GLI3: variants seen among roughly 807,000 people sequenced by gnomAD.
The protein encoded by GLI3 is transcription activator GLI3.
In GLI3, 20 loss-of-function variants were observed where a neutral mutation model predicts 100.8. The observed-to-expected ratio is 0.20, with a 90% CI of 0.14 to 0.29. GLI3 has a LOEUF of 0.29. Ranked by LOEUF, GLI3 falls within the 10% of genes least tolerant of loss-of-function variation. The pLI is 1.00. For missense variants in GLI3, 2,040 were observed against 2,128.5 expected (o/e 0.96, Z 0.82); for synonymous variants, 938 against 860.5 (o/e 1.09, Z -1.58).
intron 3 of GLI3, among the ~76,000 whole-genome samples, chr7:42,133,279 C>T (rs1471432125): frequency 6.6e-6 from 1 of 152,184 alleles, no homozygotes; most frequent in Non-Finnish European, 1.5e-5. Context: ...ACAAGGAACT[C>T]TGAAATAAAT....
At chr7:42,234,284 A>G (rs879830468) in intron 1 of GLI3, among the ~76,000 whole-genome samples, 20 of 152,150 alleles carry the variant, frequency 1.3e-4, no homozygotes, top group Admixed American at 4.6e-4. Context: ...TCCTCAAAAA[A>G]TGGAGGGGGA....
At chr7:42,151,775 A>G (rs1786870149) in intron 2 of GLI3, 1 of 152,242 alleles carries the variant, frequency 6.6e-6, no homozygotes. Flanking sequence ...CTCAAGTGGA[A>G]GTTAACAAAT....
At chr7:42,246,903 A>G (rs1788982564) in intron 1 of GLI3, among the ~76,000 whole-genome samples, 1 of 144,006 alleles carries the variant, frequency 6.9e-6, no homozygotes, top group Non-Finnish European at 1.5e-5. Flanking sequence ...CCTTCTGAGA[A>G]TGGGTTTATA....
Position 41,967,938 on chromosome 7 carries a change from T to C in GLI3, c.2104-15A>G, listed in dbSNP as rs188533140. ...GGCTGAGATGTCTGTTGGGGTCAAG[T>C]GGAAAGGAAAGAAATGTCACCAGGG... On this transcript the variant is annotated splice_polypyrimidine_tract_variant and intron_variant, in intron 13 of 14. Coordinates refer to ENST00000395925, the MANE Select transcript of GLI3 (RefSeq NM_000168.6). The C allele has an allele frequency of 6.2e-7, 1 of 1,609,264 alleles. No homozygotes were observed. The highest frequency in any genetic ancestry group is 1.7e-5 in the Admixed American group (1 of 59,986).
At chr7:42,154,251 G>A (rs988799745) in intron 2 of GLI3, among the ~76,000 whole-genome samples, 4 of 152,120 alleles carry the variant, frequency 2.6e-5, no homozygotes, top group African/African-American at 9.7e-5. Context: ...CCCACGTGGA[G>A]GACCCGCACA....
rs1562661919 is a variant in GLI3, at chr7:41,968,739, AGAAAGAAAGAAAGAAAGAAAGAAG to A, written c.2104-840_2104-817del. 8.0e-4 allele frequency among the ~76,000 whole-genome samples: 107 copies of A among 133,154 alleles called. 1 individual carries two copies. Among genetic ancestry groups the A allele is most frequent in the Middle Eastern group, 3.6e-3 (1 of 278 alleles). The allele number at this position is 133,154 out of a possible 152,430, so 87.4% of individuals were successfully genotyped here. A position where few individuals can be genotyped will look rare whatever the true frequency, so the allele number is the denominator to read the frequency against. The stretch of plus-strand genomic sequence containing the variant: ...AAGAAAGAAAGAAAGAAAGAAAGAA[AGAAAGAAAGAAAGAAAGAAAGAAG>A]GAAAGAAAGAAAGAAAGAAAGAAAG... On this transcript the variant is annotated intron_variant, in intron 13 of 14. Coordinates refer to ENST00000395925, the MANE Select transcript of GLI3 (RefSeq NM_000168.6).
At chr7:42,121,421 G>A (rs1203408618) in intron 3 of GLI3, among the ~76,000 whole-genome samples, 1 of 152,250 alleles carries the variant, frequency 6.6e-6, no homozygotes, top group African/African-American at 2.4e-5. Context: ...AAAGTTTGGT[G>A]CAGTGAAGGT....
chr7:42,013,924 C>T (rs1788688238), intron 10 of GLI3, among the ~76,000 whole-genome samples: 1 of 152,188 alleles, frequency 6.6e-6, no homozygotes, highest in African/African-American at 2.4e-5. Context: ...CGTCTCCTCC[C>T]AGCACTCAGC....
At chr7:42,043,420 T>C (rs1354219988) in intron 6 of GLI3, among the ~76,000 whole-genome samples, 1 of 152,174 alleles carries the variant, frequency 6.6e-6, no homozygotes, top group Non-Finnish European at 1.5e-5. Context: ...GCTGCTAAAA[T>C]ACAAGGTAAG....
At chr7:42,010,897 C>T (rs1025618801) in intron 10 of GLI3, among the ~76,000 whole-genome samples, 6 of 152,246 alleles carry the variant, frequency 3.9e-5, no homozygotes, top group African/African-American at 7.2e-5. Context: ...GATTCCACAA[C>T]TAGGAGGGAC....
chr7:42,167,610 G>C (rs989690180), intron 2 of GLI3, among the ~76,000 whole-genome samples: 1 of 152,186 alleles, frequency 6.6e-6, no homozygotes, highest in Admixed American at 6.5e-5. Context: ...TACAGAGAAA[G>C]AGAGAGAGAA....
At chr7:42,130,965 G>A (rs1433389694) in intron 3 of GLI3, among the ~76,000 whole-genome samples, 1 of 152,170 alleles carries the variant, frequency 6.6e-6, no homozygotes, top group African/African-American at 2.4e-5. Flanking sequence ...AATAGAAAAT[G>A]TAGTGATGCC....
Position 42,040,150 on chromosome 7 carries a change from G to T in GLI3, c.916C>A (p.Leu306Ile). The T allele has an allele frequency of 1.9e-6, 3 of 1,613,698 alleles. No homozygotes were observed. The highest frequency in any genetic ancestry group is 2.5e-6 in the Non-Finnish European group (3 of 1,179,576). Residue 306 changes from leucine (L) to isoleucine (I), a missense_variant, in exon 7 of 15, where the codon CTT (leucine) becomes ATT (isoleucine). By Grantham distance (5) the Leu-to-Ile change is conservative. Transcript: ENST00000395925. ...GGAGACGTCCTTATCATGGTCTGAA[G>T]GTCAAAGCTATGATCGGAGAGTGGT... ...ISPLSDHSFD[L>I]QTMIRTSPNS...
intron 10 of GLI3, among the ~76,000 whole-genome samples, chr7:42,003,417 T>G (rs1470315901): frequency 6.6e-6 from 1 of 151,940 alleles, no homozygotes; most frequent in Admixed American, 6.6e-5. Flanking sequence ...ATAACTAATT[T>G]CAGAAACTCA....
At chr7:41,975,948 A>G (rs1310056471) in intron 12 of GLI3, among the ~76,000 whole-genome samples, 4 of 152,188 alleles carry the variant, frequency 2.6e-5, no homozygotes, top group Non-Finnish European at 5.9e-5. Context: ...TTGAAATATA[A>G]TTCACATGCC....
intron 5 of GLI3, among the ~76,000 whole-genome samples, chr7:42,047,802 G>A (rs1784274195): frequency 6.6e-6 from 1 of 152,136 alleles, no homozygotes; most frequent in African/African-American, 2.4e-5. Flanking sequence ...GGATTTTCAT[G>A]TGGCATGGTC....
At chr7:42,207,635 A>G (rs1402993793) in intron 2 of GLI3, among the ~76,000 whole-genome samples, 2 of 152,196 alleles carry the variant, frequency 1.3e-5, no homozygotes, top group African/African-American at 2.4e-5. Context: ...TGCATGTCCA[A>G]TGATAGGGGA....
intron 4 of GLI3, among the ~76,000 whole-genome samples, chr7:42,057,054 T>C (rs1784478025): frequency 6.6e-6 from 1 of 151,350 alleles, no homozygotes; most frequent in Non-Finnish European, 1.5e-5. Flanking sequence ...AAAAGACAAG[T>C]GGTTATTTAA....
Position 42,237,108 on chromosome 7 carries a change from C to A in GLI3, c.-180G>T. The stretch of plus-strand genomic sequence containing the variant: ...GGCCGGGCTGGGCGCGGGGTGCGCC[C>A]GCCGCGGGCATGGTGCGGCGCGGGC... On this transcript the variant is annotated 5_prime_UTR_variant, in exon 1 of 15. Coordinates refer to ENST00000395925, the MANE Select transcript of GLI3 (RefSeq NM_000168.6). 6.8e-6 allele frequency: 1 copy of A among 147,432 alleles called. No individual in the cohort carries two copies. Among genetic ancestry groups the A allele is most frequent in the South Asian group, 1.9e-4 (1 of 5,176 alleles). The allele number at this position is 147,432 out of a possible 1,614,324, so 9.1% of individuals were successfully genotyped here. A position where few individuals can be genotyped will look rare whatever the true frequency, so the allele number is the denominator to read the frequency against.
Sources: gnomAD v4.1 joint callset for allele counts (sites outside exome capture counted in the v4.1 genomes callset) on GRCh38, gnomAD v4.1.1 for gene constraint, MANE v1.5 for transcripts, NCBI Gene and HGNC (gene_info 2026-07-23, HGNC 2026-07-21) for gene names.